SLC3A1: variants seen among roughly 807,000 people sequenced by gnomAD.
SLC3A1 encodes the protein solute carrier family 3 member 1, also known as amino acid transporter heavy chain SLC3A1.
In SLC3A1, 78 loss-of-function variants were observed where a neutral mutation model predicts 60.3. The observed-to-expected ratio is 1.29, with a 90% CI of 1.08 to 1.56. The LOEUF is 1.56. Ranked by LOEUF, SLC3A1 falls within the 40% of genes most tolerant of loss-of-function variation. The pLI is 0.00. For synonymous variants in SLC3A1, 392 were observed against 307.9 expected (o/e 1.27, Z -2.86); for missense variants, 1,172 against 858.9 (o/e 1.36, Z -4.56).
chr2:44,310,396 A>T (rs994381197), intron 7 of SLC3A1, among the ~76,000 whole-genome samples: 2 of 152,170 alleles, frequency 1.3e-5, no homozygotes, highest in Admixed American at 6.5e-5. Flanking sequence ...ATTGAATAAC[A>T]GTTTTGCTGG....
chr2:44,320,455 A>C lies in SLC3A1; in HGVS notation c.1874A>C (p.Asn625Thr). ...PAKMRIRLSTNSADKGSKVDT... is the reference protein window; with the variant it reads ...PAKMRIRLSTTSADKGSKVDT... ...AAAATGAGAATAAGGTTAAGTACCAATTCTGCCGACAAAGGCAGTAAAGTT... is the reference window on the plus strand; with the variant it reads ...AAAATGAGAATAAGGTTAAGTACCACTTCTGCCGACAAAGGCAGTAAAGTT... The change falls in exon 10 of 10, where the codon AAT becomes ACT. Residue 625 changes from asparagine to threonine, a missense_variant. By Grantham distance (65) the Asn-to-Thr change is moderately conservative (BLOSUM62 0). Transcript: ENST00000260649. 6.2e-7 allele frequency: 1 copy of C among 1,614,158 alleles called. No individual in the cohort carries two copies. The highest frequency in any genetic ancestry group is 8.5e-7 in the Non-Finnish European group (1 of 1,179,984).
rs368796166 is a variant in SLC3A1, at chr2:44,320,221, C to A, written c.1640C>A (p.Ser547Ter). The change falls in exon 10 of 10, where the codon TCG becomes TAG. Residue 547 changes from serine to a stop codon, truncating the protein, a stop_gained. Coordinates refer to ENST00000260649, the MANE Select transcript of SLC3A1 (RefSeq NM_000341.4). LOFTEE classifies it low-confidence loss of function (END_TRUNC). Reference protein sequence around the residue: ...NVDVQKTQPRSALKLYQDLSL... With the variant: ...NVDVQKTQPR Reference sequence around the variant, plus strand: ...TAGGTCCAAAAGACTCAGCCCAGATCGGCTTTGAAGTTATATCAAGATTTA... The same window carrying A: ...TAGGTCCAAAAGACTCAGCCCAGATAGGCTTTGAAGTTATATCAAGATTTA... The A allele has an allele frequency of 3.1e-6, 5 of 1,613,698 alleles. No individual in the cohort carries two copies. Among genetic ancestry groups the A allele is most frequent in the South Asian group, 1.1e-5 (1 of 91,026 alleles).
intron 9 of SLC3A1, 100 bp from the exon 10 acceptor site, chr2:44,320,099 G>C (rs1328552710): frequency 9.6e-7 from 1 of 1,044,910 alleles, no homozygotes; most frequent in Non-Finnish European, 1.4e-6. Context: ...CAAAATTGGA[G>C]CAAGTGTTTT....
chr2:44,281,210 G>T (rs1366785286), intron 2 of SLC3A1, among the ~76,000 whole-genome samples, 177 bp from the exon 3 acceptor site: 1 of 137,038 alleles, frequency 7.3e-6, no homozygotes, highest in Admixed American at 7.7e-5. Context: ...CCAGGCTGGA[G>T]TGCAGTGGTG....
chr2:44,281,321 C>G (rs1266126583), intron 2 of SLC3A1, 66 bp from the exon 3 acceptor site: 1 of 1,402,740 alleles, frequency 7.1e-7, no homozygotes, highest in East Asian at 2.3e-5. Flanking sequence ...ATTACTGTGC[C>G]TGGCCTGTCA....
At chr2:44,310,591 T>G (rs1048745080) in intron 7 of SLC3A1, among the ~76,000 whole-genome samples, 1 of 152,192 alleles carries the variant, frequency 6.6e-6, no homozygotes, top group Non-Finnish European at 1.5e-5. Flanking sequence ...TTGACTGATA[T>G]GTCTAAGTGT....
chr2:44,316,780 C>A (rs1028106245), intron 9 of SLC3A1, among the ~76,000 whole-genome samples: 2 of 152,158 alleles, frequency 1.3e-5, no homozygotes, highest in African/African-American at 4.8e-5. Context: ...AAACGGAATT[C>A]TGTATCCATT....
Position 44,321,405 on chromosome 2 carries a change from A to T in SLC3A1, c.*766A>T, listed in dbSNP as rs746165384. ...ATCCTCGAAAACACTGGTGCTGTCA[A>T]GTCCAAGTTCCTCGTACAGGAATTT... On this transcript the variant is annotated 3_prime_UTR_variant, in exon 10 of 10. Coordinates refer to ENST00000260649, the MANE Select transcript of SLC3A1 (RefSeq NM_000341.4). 66 of 1,613,202 alleles carry T rather than the reference A, an allele frequency of 4.1e-5. No homozygotes were observed. The highest frequency in any genetic ancestry group is 7.6e-6 in the Non-Finnish European group (9 of 1,179,390).
intron 4 of SLC3A1, among the ~76,000 whole-genome samples, chr2:44,288,920 A>C (rs1350005791): frequency 1.3e-5 from 2 of 149,268 alleles, no homozygotes; most frequent in East Asian, 2.0e-4. Context: ...CTGCAACCCC[A>C]GTCTCCCAGG....
Position 44,304,233 on chromosome 2 carries a change from C to T in SLC3A1, c.1227C>T (p.Phe409=), listed in dbSNP as rs1264045792. The T allele has an allele frequency of 3.1e-6, 5 of 1,613,898 alleles. No homozygotes were observed. The highest frequency in any genetic ancestry group is 4.2e-6 in the Non-Finnish European group (5 of 1,179,878). ...TTATCCAAGAAGCTGATTTTCCCTT[C>T]AACAATTACCTCAGCATGCTAGACA... ...LPFIQEADFP[F]NNYLSMLDTV... The change falls in exon 7 of 10, where the codon TTC becomes TTT. Residue 409 remains phenylalanine (F), a synonymous_variant. Transcript: ENST00000260649.
chr2:44,286,815 G>A (rs1302711779), intron 4 of SLC3A1, among the ~76,000 whole-genome samples: 2 of 147,592 alleles, frequency 1.4e-5, no homozygotes, highest in Admixed American at 6.8e-5. Context: ...TGCCTGTGAC[G>A]GTGAGCTGTG....
At chr2:44,276,026 G>T in intron 1 of SLC3A1, 61 bp downstream of exon 1, 2 of 1,515,194 alleles carry the variant, frequency 1.3e-6, no homozygotes, top group Non-Finnish European at 1.8e-6. Flanking sequence ...TGGTTCTTTT[G>T]TTCTTCAGAA....
chr2:44,316,453 G>C (rs919966594), intron 9 of SLC3A1: 4 of 151,392 alleles, frequency 2.6e-5, no homozygotes, highest in East Asian at 1.9e-4. Context: ...TACTGAAAAA[G>C]ACAAAGAATT....
chr2:44,289,174 G>T (rs1275446655), intron 4 of SLC3A1, among the ~76,000 whole-genome samples: 1 of 149,846 alleles, frequency 6.7e-6, no homozygotes, highest in African/African-American at 2.5e-5. Flanking sequence ...TTTATTATTG[G>T]GTTGTAAAAG....
At chr2:44,304,454 G>A (rs1418898936) in intron 7 of SLC3A1, 116 bp downstream of exon 7, 21 of 841,178 alleles carry the variant, frequency 2.5e-5, no homozygotes, top group Non-Finnish European at 4.0e-5. Context: ...GCCTTATTTG[G>A]TGATTGTTCA....
At chr2:44,304,764 T>C (rs1005837045) in intron 7 of SLC3A1, among the ~76,000 whole-genome samples, 55 of 151,900 alleles carry the variant, frequency 3.6e-4, no homozygotes, top group African/African-American at 1.2e-3. Context: ...ACTACAGAGA[T>C]TGTCGGAGAA....
At position 44,321,321 on chromosome 2, in the gene SLC3A1, C is replaced by G. The variant is rs1672919387; in HGVS notation, c.*682C>G. ...TTGGAAGTAAGACTATGAAATATTT[C>G]AGTGTGTTTCCAATTCCCAGTTGAA... On this transcript the variant is annotated 3_prime_UTR_variant, in exon 10 of 10. Transcript: ENST00000260649. The G allele has an allele frequency of 6.7e-7, 1 of 1,490,590 alleles. No individual in the cohort carries two copies. The highest frequency in any genetic ancestry group is 9.3e-7 in the Non-Finnish European group (1 of 1,073,806). 92.3% of individuals were successfully genotyped at this position (1,490,590 alleles called of 1,614,324 possible). A position where few individuals can be genotyped will look rare whatever the true frequency, so the allele number is the denominator to read the frequency against.
intron 4 of SLC3A1, among the ~76,000 whole-genome samples, chr2:44,288,667 T>C (rs1671670787): frequency 6.6e-6 from 1 of 152,224 alleles, no homozygotes; most frequent in Non-Finnish European, 1.5e-5. Context: ...TGTTATTGCA[T>C]ATATTTTTTA....
At position 44,304,177 on chromosome 2, in the gene SLC3A1, G is replaced by T. The variant is rs534470789; in HGVS notation, c.1171G>T (p.Asp391Tyr). The change falls in exon 7 of 10, where the codon GAC becomes TAC. Residue 391 changes from aspartate (D) to tyrosine (Y), a missense_variant. Physicochemically the swap from Asp to Tyr is radical, Grantham distance 160 (BLOSUM62 -3). Coordinates refer to ENST00000260649, the MANE Select transcript of SLC3A1 (RefSeq NM_000341.4). The part of the protein sequence containing the change: ...MGTEAYAESI[D>Y]RTVMYYGLPF... ...GACTGAAGCCTATGCAGAGAGTATTGACAGGACCGTGATGTACTATGGATT... is the reference window on the plus strand; with the variant it reads ...GACTGAAGCCTATGCAGAGAGTATTTACAGGACCGTGATGTACTATGGATT... 1.2e-6 allele frequency: 2 copies of T among 1,614,108 alleles called. No homozygotes were observed. The highest frequency in any genetic ancestry group is 2.7e-5 in the African/African-American group (2 of 75,046).
Sources: allele counts gnomAD v4.1 joint callset (sites outside exome capture counted in the v4.1 genomes callset), GRCh38; gene constraint gnomAD v4.1.1; transcripts MANE v1.5; gene names NCBI Gene and HGNC (gene_info 2026-07-23, HGNC 2026-07-21).